ERC1: variants seen among roughly 807,000 people sequenced by gnomAD.
The protein encoded by ERC1 is ELKS/RAB6-interacting/CAST family member 1.
Under a neutral mutation model 132.0 loss-of-function variants are expected in ERC1, and 56 were observed. The observed-to-expected ratio is 0.42, with a 90% CI of 0.34 to 0.53. ERC1 has a LOEUF of 0.53. Ranked by LOEUF, ERC1 falls within the 20% of genes least tolerant of loss-of-function variation. The probability of loss-of-function intolerance (pLI) is 0.03; values close to 1 mark genes in which losing one functional copy is unlikely to be tolerated. For missense variants in ERC1, 1,202 were observed against 1,349.9 expected (o/e 0.89, Z 1.72); for synonymous variants, 478 against 476.1 (o/e 1.00, Z -0.05).
intron 17 of ERC1, among the ~76,000 whole-genome samples, chr12:1,424,837 A>G (rs1448823464): frequency 1.1e-5 from 1 of 93,650 alleles, no homozygotes; most frequent in African/African-American, 4.3e-5. Context: ...ATAGATAGAT[A>G]GATAGATGAT....
chr12:1,043,314 A>G (rs1475134334), intron 2 of ERC1, among the ~76,000 whole-genome samples: 1 of 152,174 alleles, frequency 6.6e-6, no homozygotes, highest in Non-Finnish European at 1.5e-5. Context: ...AAGTGCTGAG[A>G]TTACAGGCAT....
intron 2 of ERC1, among the ~76,000 whole-genome samples, chr12:1,045,779 A>G (rs988101113): frequency 2.1e-4 from 32 of 152,284 alleles, no homozygotes; most frequent in African/African-American, 7.2e-4. Flanking sequence ...TATTAAATGT[A>G]AAAGATGGCA....
chr12:1,277,628 C>T (rs193237350), intron 14 of ERC1, among the ~76,000 whole-genome samples: 204 of 152,182 alleles, frequency 1.3e-3, no homozygotes, highest in Non-Finnish European at 2.4e-3. Context: ...GTTACAGATA[C>T]AAACGTTATT....
rs766772086 is a variant in ERC1 at position 1,141,639 on chromosome 12, G to T, written c.1589G>T (p.Arg530Leu). The T allele has an allele frequency of 3.1e-6, 5 of 1,610,462 alleles. No homozygotes were observed. Among genetic ancestry groups the T allele is most frequent in the Non-Finnish European group, 4.2e-6 (5 of 1,178,138 alleles). ...LQTEVDALRL[R>L]LEEKETMLNK... ...TCTTAGGTGGATGCTCTCCGATTGCGTTTGGAAGAGAAGGAAACCATGTTG... is the reference window on the plus strand; with the variant it reads ...TCTTAGGTGGATGCTCTCCGATTGCTTTTGGAAGAGAAGGAAACCATGTTG... Residue 530 changes from arginine to leucine, a missense_variant, in exon 8 of 19, where the codon CGT (arginine) becomes CTT (leucine). Physicochemically the swap from Arg to Leu is moderately radical, Grantham distance 102 (BLOSUM62 -2). Transcript: ENST00000360905.
At chr12:1,235,088 G>C (rs538032356) in intron 12 of ERC1, among the ~76,000 whole-genome samples, 26 of 152,322 alleles carry the variant, frequency 1.7e-4, no homozygotes, top group African/African-American at 5.5e-4. Context: ...AAAGTTTTAG[G>C]CTGGACATGG....
chr12:1,250,996 A>G lies in ERC1; in HGVS notation c.2488-12038A>G, dbSNP rs561828933. On this transcript the variant is annotated intron_variant, in intron 13 of 18. Transcript: ENST00000360905. Reference sequence around the variant, plus strand: ...AATGGAAATAGAGCCGGGGAAAATCAGCTTTACATATATTTAAGCATATTC... The same window carrying G: ...AATGGAAATAGAGCCGGGGAAAATCGGCTTTACATATATTTAAGCATATTC... 2.6e-5 allele frequency among the ~76,000 whole-genome samples: 4 copies of G among 152,352 alleles called. No individual in the cohort carries two copies. In the East Asian group the frequency reaches 7.7e-4, roughly 29 times the overall value.
chr12:1,451,513 T>C (rs2093424822), intron 18 of ERC1, among the ~76,000 whole-genome samples: 1 of 152,190 alleles, frequency 6.6e-6, no homozygotes, highest in Non-Finnish European at 1.5e-5. Flanking sequence ...CAGTCCCACC[T>C]ACTCGGGAGG....
At chr12:1,266,068 G>A (rs944443774) in intron 14 of ERC1, among the ~76,000 whole-genome samples, 5 of 152,182 alleles carry the variant, frequency 3.3e-5, no homozygotes, top group Non-Finnish European at 5.9e-5. Flanking sequence ...GTAAATAACT[G>A]TGAGTGTGAT....
rs138866761 is a variant in ERC1, at chr12:1,334,902, C to A, written c.2781-36931C>A. 2.3e-3 allele frequency among the ~76,000 whole-genome samples: 355 copies of A among 152,284 alleles called. 2 individuals carry two copies. Among genetic ancestry groups the A allele is most frequent in the African/African-American group, 8.2e-3 (339 of 41,574 alleles). ...CATTTGTTTGTGTCATTTCTGATTTCTTTGAGCAGTGTTTTGTAGTTCTTC... is the reference window on the plus strand; with the variant it reads ...CATTTGTTTGTGTCATTTCTGATTTATTTGAGCAGTGTTTTGTAGTTCTTC... On this transcript the variant is annotated intron_variant, in intron 15 of 18. Coordinates refer to ENST00000360905, the MANE Select transcript of ERC1 (RefSeq NM_178040.4).
chr12:1,004,572 G>A (rs1278002534), intron 1 of ERC1, among the ~76,000 whole-genome samples: 1 of 151,338 alleles, frequency 6.6e-6, no homozygotes, highest in Non-Finnish European at 1.5e-5. Context: ...ACACCCAGCT[G>A]ATTTTTGTAT....
intron 13 of ERC1, among the ~76,000 whole-genome samples, chr12:1,251,081 CTG>C (rs1254328421): frequency 6.6e-6 from 1 of 152,142 alleles, no homozygotes; most frequent in African/African-American, 2.4e-5. Context: ...TGATTTAACT[CTG>C]TCTACAAAAA....
chr12:1,033,470 CTT>C (rs1053660743), intron 2 of ERC1, among the ~76,000 whole-genome samples: 10 of 140,216 alleles, frequency 7.1e-5, no homozygotes, highest in South Asian at 2.3e-4. Context: ...CGCACCCAGC[CTT>C]TTTTTTTTTT....
At chr12:1,432,717 A>G (rs917833315) in intron 17 of ERC1, among the ~76,000 whole-genome samples, 1 of 152,148 alleles carries the variant, frequency 6.6e-6, no homozygotes. Context: ...AATGTAACAG[A>G]CCCTGGAATC....
chr12:1,304,779 C>CAT (rs2080713289), intron 15 of ERC1, among the ~76,000 whole-genome samples: 1 of 70,070 alleles, frequency 1.4e-5, no homozygotes, highest in Non-Finnish European at 2.8e-5. Context: ...TGTTGTAACT[C>CAT]TTTTTTTTTT....
Position 1,255,621 on chromosome 12 carries a change from C to CTTTT in ERC1, c.2488-7387_2488-7384dup, listed in dbSNP as rs757949030. On this transcript the variant is annotated intron_variant, in intron 13 of 18. Transcript: ENST00000360905. ...TCTTCAGCATCTGTTGCTTCCTGGCCTTTTTTTTTTTTTTTTTTTTTTTTT... is the reference window on the plus strand; with the variant it reads ...TCTTCAGCATCTGTTGCTTCCTGGCCTTTTTTTTTTTTTTTTTTTTTTTTTTTTT... Among the ~76,000 whole-genome samples the CTTTT allele has an allele frequency of 9.1e-4, 56 of 61,548 alleles. 9 individuals are homozygous for CTTTT. The highest frequency in any genetic ancestry group is 2.5e-3 in the African/African-American group (42 of 16,664). The allele number at this position is 61,548 out of a possible 152,430, so 40.4% of individuals were successfully genotyped here. A position where few individuals can be genotyped will look rare whatever the true frequency, so the allele number is the denominator to read the frequency against.
chr12:1,319,115 A>T (rs2081955417), intron 15 of ERC1, among the ~76,000 whole-genome samples: 1 of 152,128 alleles, frequency 6.6e-6, no homozygotes, highest in Admixed American at 6.5e-5. Context: ...TTCTGAACTG[A>T]TGCTTGCTTT....
rs114421970 is a variant in ERC1 at position 1,215,528 on chromosome 12, C to T, written c.2352-21241C>T. Among the ~76,000 whole-genome samples, 602 of 152,184 alleles carry T rather than the reference C, an allele frequency of 4.0e-3. 8 individuals are homozygous for T. Among genetic ancestry groups the T allele is most frequent in the African/African-American group, 0.013 (548 of 41,534 alleles). On this transcript the variant is annotated intron_variant, in intron 12 of 18. Coordinates refer to ENST00000360905, the MANE Select transcript of ERC1 (RefSeq NM_178040.4). ...AATATTTGCATTTTTTACAGTATTA[C>T]AATTTATCAGTGGATCTAGAAAATA... is the stretch of plus-strand genomic sequence containing the variant.
chr12:1,121,821 CTGTG>C, intron 7 of ERC1, among the ~76,000 whole-genome samples: 1 of 23,240 alleles, frequency 4.3e-5, no homozygotes, highest in Admixed American at 4.4e-4. Context: ...CTATCTCTAT[CTGTG>C]TCTCTATCTC....
rs1566021684 is a variant in ERC1, at chr12:1,122,599, GTGTCTC to G, written c.1569+6568_1569+6573del. 2.9e-3 allele frequency among the ~76,000 whole-genome samples: 11 copies of G among 3,762 alleles called. 1 individual carries two copies. Among genetic ancestry groups the G allele is most frequent in the Admixed American group, 7.0e-3 (2 of 286 alleles). The allele number at this position is 3,762 out of a possible 152,430, so 2.5% of individuals were successfully genotyped here. A position where few individuals can be genotyped will look rare whatever the true frequency, so the allele number is the denominator to read the frequency against. The stretch of plus-strand genomic sequence containing the variant: ...TCTATCTCTATCTCTATCTCTATCT[GTGTCTC>G]TATCTCTATCTCTATCTGTGTCTCT... On this transcript the variant is annotated intron_variant, in intron 7 of 18. Coordinates refer to ENST00000360905, the MANE Select transcript of ERC1 (RefSeq NM_178040.4).
Sources: gnomAD v4.1 joint callset for allele counts (sites outside exome capture counted in the v4.1 genomes callset) on GRCh38, gnomAD v4.1.1 for gene constraint, MANE v1.5 for transcripts, NCBI Gene and HGNC (gene_info 2026-07-23, HGNC 2026-07-21) for gene names.